CBFA2T3: variants seen among roughly 807,000 people sequenced by gnomAD.
CBFA2T3 encodes the protein CBFA2/RUNX1 partner transcriptional co-repressor 3.
Under a neutral mutation model 58.6 loss-of-function variants are expected in CBFA2T3, and 31 were observed. The ratio of observed to expected loss-of-function variants is 0.53; its 90% CI spans 0.40 to 0.71. The LOEUF (loss-of-function observed/expected upper bound fraction) is 0.71. Among genes scored for constraint, CBFA2T3 ranks in the 30% least tolerant of loss-of-function variants. The probability of loss-of-function intolerance (pLI) is 0.00; values close to 1 mark genes in which losing one functional copy is unlikely to be tolerated. For synonymous variants in CBFA2T3, 531 were observed against 421.9 expected (o/e 1.26, Z -3.17); for missense variants, 1,076 against 963.1 (o/e 1.12, Z -1.55).
At chr16:88,889,421 G>A (rs897801049) in intron 5 of CBFA2T3, among the ~76,000 whole-genome samples, 2 of 148,568 alleles carry the variant, frequency 1.3e-5, no homozygotes, top group Admixed American at 1.3e-4. Context: ...GGGAGGGAGC[G>A]AGGGTGGGAA....
At chr16:88,931,216 A>C (rs1971288828) in intron 1 of CBFA2T3, among the ~76,000 whole-genome samples, 1 of 152,004 alleles carries the variant, frequency 6.6e-6, no homozygotes, top group African/African-American at 2.4e-5. Context: ...GCTCCTGTCA[A>C]CTGGGGCCAA....
chr16:88,975,355 A>C (rs1385623261), intron 1 of CBFA2T3, among the ~76,000 whole-genome samples: 2 of 151,800 alleles, frequency 1.3e-5, no homozygotes, highest in African/African-American at 4.8e-5. Context: ...CCGTCCTTCC[A>C]CAGTAGACGC....
chr16:88,883,504 C>T (rs1969222662), intron 7 of CBFA2T3: 1 of 152,354 alleles, frequency 6.6e-6, no homozygotes, highest in African/African-American at 2.4e-5. Context: ...AAGGTTTTTC[C>T]CTTTTGACAG....
rs551858807 is a variant in CBFA2T3, at chr16:88,908,264, C to T, written c.152-6608G>A. Among the ~76,000 whole-genome samples, 4 of 152,176 alleles carry T rather than the reference C, an allele frequency of 2.6e-5. No homozygotes were observed. In the South Asian group the frequency reaches 6.2e-4, roughly 24 times the overall value. On this transcript the variant is annotated intron_variant, in intron 1 of 11. Transcript: ENST00000268679. ...GGCTGAGGCCGGAGAATTACTTCAG[C>T]CTGGAAGGCAGAGGTTGCCATGAGC...
At chr16:88,880,679 TC>T in intron 10 of CBFA2T3, 40 bp downstream of exon 10, 12 of 1,514,560 alleles carry the variant, frequency 7.9e-6, no homozygotes, top group Non-Finnish European at 9.8e-6. Context: ...GGCCCTGGCC[TC>T]CCACAGCTCT....
At position 88,958,535 on chromosome 16, in the gene CBFA2T3, C is replaced by T. The variant is rs528524554; in HGVS notation, c.151+18122G>A. Among the ~76,000 whole-genome samples, 29 of 152,284 alleles carry T rather than the reference C, an allele frequency of 1.9e-4. 1 individual carries two copies. The South Asian group carries it at 4.3e-3, about 23-fold the overall frequency. ...GCCCCACATCCCTGGGCATCACACG[C>T]GTGTCGTCTGGAGCAGAAGCTGGTG... On this transcript the variant is annotated intron_variant, in intron 1 of 11. Transcript: ENST00000268679. This position sits in a 1 kb window ranked among gnomAD's most constrained non-coding sequence, Gnocchi z 4.0.
At chr16:88,967,297 A>G (rs1004636798) in intron 1 of CBFA2T3, among the ~76,000 whole-genome samples, 6 of 151,944 alleles carry the variant, frequency 3.9e-5, no homozygotes, top group African/African-American at 1.5e-4. Context: ...AGGTGTCGAG[A>G]GAGGAAATTG....
chr16:88,884,782 C>T (rs1969289416), intron 7 of CBFA2T3: 3 of 404,830 alleles, frequency 7.4e-6, no homozygotes. Flanking sequence ...TGGGAATCGC[C>T]AAGCTCGGAT....
chr16:88,974,896 A>G (rs1359507731), intron 1 of CBFA2T3, among the ~76,000 whole-genome samples: 1 of 152,130 alleles, frequency 6.6e-6, no homozygotes, highest in Non-Finnish European at 1.5e-5. Context: ...AGAAGCCCCA[A>G]GTGCTGGTAT....
intron 5 of CBFA2T3, 26 bp from the exon 6 acceptor site, chr16:88,886,168 G>A (rs755802028): frequency 6.7e-7 from 1 of 1,500,546 alleles, no homozygotes; most frequent in East Asian, 2.3e-5. Flanking sequence ...GGAGGGCCTG[G>A]GTAGCATGCA....
At chr16:88,891,037 C>G (rs1391275505) in intron 5 of CBFA2T3, among the ~76,000 whole-genome samples, 1 of 152,132 alleles carries the variant, frequency 6.6e-6, no homozygotes, top group African/African-American at 2.4e-5. Context: ...GCAAAGCTGA[C>G]AAGCCCCGCG....
Position 88,875,362 on chromosome 16 carries a change from G to A in CBFA2T3, c.*1614C>T. ...GGGTGGGCAGGGCTGGAGGATGGGA[G>A]GGAGCACGTCTGATAGAAAACGTCA... is the stretch of plus-strand genomic sequence containing the variant. On this transcript the variant is annotated 3_prime_UTR_variant, in exon 12 of 12. Transcript: ENST00000268679. 4.3e-6 allele frequency: 1 copy of A among 233,924 alleles called. No homozygotes were observed. The highest frequency in any genetic ancestry group is 8.4e-6 in the Non-Finnish European group (1 of 118,374). 14.5% of individuals were successfully genotyped at this position (233,924 alleles called of 1,614,324 possible).
chr16:88,951,215 T>C (rs1972062669), intron 1 of CBFA2T3: 1 of 424,748 alleles, frequency 2.4e-6, no homozygotes, highest in Admixed American at 2.5e-5. Context: ...ACCCGTCCCC[T>C]GGACCGGCAC....
chr16:88,895,854 C>G (rs1482916966), intron 3 of CBFA2T3, among the ~76,000 whole-genome samples: 1 of 152,164 alleles, frequency 6.6e-6, no homozygotes, highest in East Asian at 1.9e-4. Flanking sequence ...GCCGCCAGGC[C>G]CAGACGTGCC....
At chr16:88,970,268 C>T (rs940047866) in intron 1 of CBFA2T3, among the ~76,000 whole-genome samples, 3 of 152,158 alleles carry the variant, frequency 2.0e-5, no homozygotes, top group Non-Finnish European at 2.9e-5. Flanking sequence ...GGGTCGGCGA[C>T]GCGGGTGTCA....
chr16:88,967,169 AGCCCCCGAGGT>A (rs1375872373), intron 1 of CBFA2T3, among the ~76,000 whole-genome samples: 3 of 29,056 alleles, frequency 1.0e-4, no homozygotes, highest in Non-Finnish European at 2.0e-4. Flanking sequence ...GCCACCCCCC[AGCCCCCGAGGT>A]GCCACTCGGC....
In CBFA2T3 at chr16:88,953,158, A is replaced by G. The variant is rs1972124127; in HGVS notation, c.151+23499T>C. The stretch of plus-strand genomic sequence containing the variant: ...CGATGACAGAGGAGGAGGAATGAGG[A>G]GTGCCGTGCCTGGGCTGGGCCATCG... On this transcript the variant is annotated intron_variant, in intron 1 of 11. Coordinates refer to ENST00000268679, the MANE Select transcript of CBFA2T3 (RefSeq NM_005187.6). The surrounding 1 kb of genome is among the most constrained non-coding windows in gnomAD (Gnocchi z 4.9). Among the ~76,000 whole-genome samples, 1 of 152,130 alleles carries G rather than the reference A, an allele frequency of 6.6e-6. No individual in the cohort carries two copies. The highest frequency in any genetic ancestry group is 2.4e-5 in the African/African-American group (1 of 41,428).
intron 1 of CBFA2T3, among the ~76,000 whole-genome samples, chr16:88,972,236 C>T (rs528059563): frequency 7.9e-5 from 12 of 152,184 alleles, no homozygotes; most frequent in African/African-American, 2.9e-4. Flanking sequence ...GGGAGGTGCA[C>T]TTATGGGACC....
chr16:88,896,224 G>A (rs1448849843), intron 3 of CBFA2T3, among the ~76,000 whole-genome samples: 2 of 152,036 alleles, frequency 1.3e-5, no homozygotes, highest in South Asian at 2.1e-4. Context: ...CTTTCCCTAC[G>A]GGGGGGCTGC....
Sources: allele counts gnomAD v4.1 joint callset (sites outside exome capture counted in the v4.1 genomes callset), GRCh38; gene constraint gnomAD v4.1.1; non-coding constraint Gnocchi (gnomAD v3.1); transcripts MANE v1.5; gene names NCBI Gene and HGNC (gene_info 2026-07-23, HGNC 2026-07-21).